The following GALNT13 variants were observed in gnomAD, a reference collection of about 807,000 sequenced individuals.
The protein encoded by GALNT13 is polypeptide N-acetylgalactosaminyltransferase 13.
A neutral mutation model predicts 64.2 loss-of-function variants in GALNT13; 28 were observed. The observed-to-expected ratio is 0.44, with a 90% CI of 0.32 to 0.60. The LOEUF (loss-of-function observed/expected upper bound fraction) is 0.60, where lower values mean the gene tolerates loss of function less well. GALNT13 is among the 20% of genes least tolerant of loss of function. The pLI is 0.05. For synonymous variants in GALNT13, 214 were observed against 224.6 expected, an observed-to-expected ratio of 0.95 and a Z score of 0.42; for missense variants, 577 against 669.8, an observed-to-expected ratio of 0.86 and a Z score of 1.53.
chr2:153,642,990 C>T, the GALNT13 span, among the ~76,000 whole-genome samples: 3 of 151,390 alleles, frequency 2.0e-5, no homozygotes, highest in Non-Finnish European at 4.4e-5. Context: ...AAACAAAAAT[C>T]ATTATAATTG....
At chr2:154,398,222 C>A (rs16837121) in intron 10 of GALNT13, among the ~76,000 whole-genome samples, 66,488 of 152,110 alleles carry the variant, frequency 0.44, 15,598 homozygotes, top group East Asian at 0.62. Flanking sequence ...GGACCCAAAT[C>A]ATTAGTAAAC....
At chr2:153,600,342 A>C in the GALNT13 span, among the ~76,000 whole-genome samples, 1 of 151,840 alleles carries the variant, frequency 6.6e-6, no homozygotes, top group Non-Finnish European at 1.5e-5. Flanking sequence ...TACCTTTTGC[A>C]CCTAAGTTAG....
At chr2:153,506,220 G>T in the GALNT13 span, among the ~76,000 whole-genome samples, 3 of 151,822 alleles carry the variant, frequency 2.0e-5, no homozygotes, top group African/African-American at 4.8e-5. Flanking sequence ...TTTACCTTAG[G>T]TTTACGTGAG....
rs1234451910 is a variant in GALNT13 at position 154,040,485 on chromosome 2, A to G, written c.142+95846A>G. Among the ~76,000 whole-genome samples the G allele has an allele frequency of 1.4e-5, 2 of 140,546 alleles. 1 individual carries two copies. The highest frequency in any genetic ancestry group is 3.3e-5 in the Non-Finnish European group (2 of 61,122). 92.2% of individuals were successfully genotyped at this position (140,546 alleles called of 152,430 possible). On this transcript the variant is annotated intron_variant, in intron 3 of 12. Coordinates refer to ENST00000392825, the MANE Select transcript of GALNT13 (RefSeq NM_052917.4). ...TGGTTCAATTTTTTCCCCTCAACAC[A>G]TCAGCTGTATGATTATGGATAGGTT...
At chr2:154,425,609 G>T (rs887645083) in intron 11 of GALNT13, among the ~76,000 whole-genome samples, 9 of 152,186 alleles carry the variant, frequency 5.9e-5, no homozygotes, top group African/African-American at 2.2e-4. Flanking sequence ...GAATGATCCA[G>T]TTGAGAAAAC....
At chr2:153,771,731 A>ATCTCT in the GALNT13 span, among the ~76,000 whole-genome samples, 1 of 152,188 alleles carries the variant, frequency 6.6e-6, no homozygotes, top group African/African-American at 2.4e-5. Context: ...CTAGTCATAA[A>ATCTCT]GCGGAGAGGA....
At chr2:153,538,525 A>G in the GALNT13 span, among the ~76,000 whole-genome samples, 3 of 74,832 alleles carry the variant, frequency 4.0e-5, no homozygotes, top group African/African-American at 1.2e-4. Context: ...ATATCTCCCA[A>G]TGCTATCCCT....
At chr2:153,942,666 C>A (rs1274196053) in intron 2 of GALNT13, among the ~76,000 whole-genome samples, 1 of 150,154 alleles carries the variant, frequency 6.7e-6, no homozygotes, top group Non-Finnish European at 1.5e-5. Context: ...GTCATGTATT[C>A]TTTGGATTTA....
At chr2:154,230,427 C>G (rs1368796687) in intron 4 of GALNT13, among the ~76,000 whole-genome samples, 2 of 152,000 alleles carry the variant, frequency 1.3e-5, no homozygotes, top group South Asian at 2.1e-4. Flanking sequence ...AATTCCTGTT[C>G]CAAAACAACA....
chr2:154,043,167 T>A (rs1468067535), intron 3 of GALNT13, among the ~76,000 whole-genome samples: 1 of 151,868 alleles, frequency 6.6e-6, no homozygotes, highest in Non-Finnish European at 1.5e-5. Context: ...CTGTAATGGG[T>A]GAGCACTTGG....
the GALNT13 span, among the ~76,000 whole-genome samples, chr2:153,796,952 G>A: frequency 1.3e-5 from 2 of 152,116 alleles, no homozygotes; most frequent in African/African-American, 2.4e-5. Context: ...CGTGTTTGAT[G>A]CAATAAGTTA....
chr2:153,282,331 ACTTC>A, the GALNT13 span, among the ~76,000 whole-genome samples: 12 of 152,084 alleles, frequency 7.9e-5, no homozygotes, highest in Non-Finnish European at 1.3e-4. Context: ...AAATCATTGT[ACTTC>A]CTTGCAGTCC....
At chr2:153,508,225 G>A in the GALNT13 span, among the ~76,000 whole-genome samples, 2 of 152,178 alleles carry the variant, frequency 1.3e-5, no homozygotes, top group African/African-American at 4.8e-5. Context: ...AGGGTCGCCT[G>A]GTTATGTATT....
the GALNT13 span, among the ~76,000 whole-genome samples, chr2:153,290,495 T>C: frequency 6.6e-6 from 1 of 152,214 alleles, no homozygotes; most frequent in Non-Finnish European, 1.5e-5. Flanking sequence ...TGTATCTGAG[T>C]AAGAATCACT....
At chr2:153,147,316 T>A in the GALNT13 span, among the ~76,000 whole-genome samples, 1 of 150,774 alleles carries the variant, frequency 6.6e-6, no homozygotes, top group Non-Finnish European at 1.5e-5. Flanking sequence ...CTCAGAGTGG[T>A]CAGGGGCAGC....
chr2:153,731,522 G>T, the GALNT13 span, among the ~76,000 whole-genome samples: 1 of 151,970 alleles, frequency 6.6e-6, no homozygotes, highest in East Asian at 1.9e-4. Context: ...AATGTGTAGT[G>T]TCCATGGCTC....
At chr2:153,204,675 CCTT>C in the GALNT13 span, among the ~76,000 whole-genome samples, 55,416 of 151,768 alleles carry the variant, frequency 0.37, 10,508 homozygotes, top group African/African-American at 0.41. Context: ...CTTGGTTCTT[CCTT>C]CTTCTTTATG....
the GALNT13 span, among the ~76,000 whole-genome samples, chr2:153,176,439 T>A: frequency 7.9e-5 from 12 of 152,010 alleles, no homozygotes; most frequent in Admixed American, 7.9e-4. Context: ...ATGATTAACG[T>A]TAAAGAGAAT....
At chr2:153,944,881 C>T (rs1691601863) in intron 3 of GALNT13, among the ~76,000 whole-genome samples, 1 of 152,126 alleles carries the variant, frequency 6.6e-6, no homozygotes, top group South Asian at 2.1e-4. Context: ...CTAATAAATT[C>T]TGGTGTTCTG....
Sources: gnomAD v4.1 joint callset for allele counts (sites outside exome capture counted in the v4.1 genomes callset) on GRCh38, gnomAD v4.1.1 for gene constraint, MANE v1.5 for transcripts, NCBI Gene and HGNC (gene_info 2026-07-23, HGNC 2026-07-21) for gene names.